The following EFNA5 variants were observed in gnomAD, a reference collection of about 807,000 sequenced individuals.
EFNA5 encodes the protein ephrin A5.
In EFNA5, 5 loss-of-function variants were observed where a neutral mutation model predicts 22.9. That is an observed-to-expected ratio of 0.22 (90% CI 0.11 to 0.46). The LOEUF is 0.46. Among genes scored for constraint, EFNA5 ranks in the 20% least tolerant of loss-of-function variants. The pLI, the probability that EFNA5 is intolerant of heterozygous loss-of-function variation, is 0.99. For missense variants in EFNA5, 237 were observed against 293.3 expected, an observed-to-expected ratio of 0.81 and a Z score of 1.40; for synonymous variants, 113 against 112.2, an observed-to-expected ratio of 1.01 and a Z score of -0.04.
intron 1 of EFNA5, among the ~76,000 whole-genome samples, chr5:107,524,942 T>C (rs914536090): frequency 6.6e-6 from 1 of 152,232 alleles, no homozygotes; most frequent in Non-Finnish European, 1.5e-5. Context: ...TTAATTAAAC[T>C]CATACTGTTA....
In EFNA5 at chr5:107,381,441, C is replaced by G. The variant is rs1747457532; in HGVS notation, c.566-65G>C. On this transcript the variant is annotated intron_variant, in intron 4 of 4. Transcript: ENST00000333274. The stretch of plus-strand genomic sequence containing the variant: ...ATCCTTAATAACTCTCTTGCAGCAG[C>G]CTGCTGTTAACAGACCTCGCCACCC... 5 of 1,541,966 alleles carry G rather than the reference C, an allele frequency of 3.2e-6. No homozygotes were observed. The South Asian group carries it at 6.1e-5, about 19-fold the overall frequency.
At chr5:107,637,714 A>T (rs895792020) in intron 1 of EFNA5, among the ~76,000 whole-genome samples, 12 of 148,640 alleles carry the variant, frequency 8.1e-5, no homozygotes, top group African/African-American at 2.7e-4. Context: ...GCCCCTACAG[A>T]TTATATATAA....
At position 107,563,599 on chromosome 5, in the gene EFNA5, G is replaced by C. The variant is rs541907424; in HGVS notation, c.125+106890C>G. Among the ~76,000 whole-genome samples the C allele has an allele frequency of 5.3e-5, 8 of 152,026 alleles. 1 individual carries two copies. The highest frequency in any genetic ancestry group is 2.1e-4 in the South Asian group (1 of 4,804). On this transcript the variant is annotated intron_variant, in intron 1 of 4. Transcript: ENST00000333274. The stretch of plus-strand genomic sequence containing the variant: ...CAACAGGTGTGAGCCACTATGTCTG[G>C]CTAATTTTCATTTTTTGTAGAAATG...
intron 2 of EFNA5, among the ~76,000 whole-genome samples, chr5:107,394,079 CAAAGCATTTTCATAT>C (rs1236146355): frequency 1.1e-4 from 17 of 152,110 alleles, no homozygotes; most frequent in Non-Finnish European, 2.4e-4. Context: ...CATTTTCATA[CAAAGCATTTTCATAT>C]AAAGAACAAA....
At chr5:107,668,779 TA>T (rs1751123083) in intron 1 of EFNA5, among the ~76,000 whole-genome samples, 1 of 152,204 alleles carries the variant, frequency 6.6e-6, no homozygotes, top group South Asian at 2.1e-4. Flanking sequence ...GACTGGCTTT[TA>T]ACACCATCAC....
At chr5:107,468,768 G>A (rs1359136811) in intron 1 of EFNA5, among the ~76,000 whole-genome samples, 1 of 151,326 alleles carries the variant, frequency 6.6e-6, no homozygotes, top group Non-Finnish European at 1.5e-5. Flanking sequence ...TCAGCTACAT[G>A]TGATGTAGAA....
rs11960173 is a variant in EFNA5, at chr5:107,478,707, T to C, written c.126-51198A>G. Among the ~76,000 whole-genome samples, 1,169 of 152,288 alleles carry C rather than the reference T, an allele frequency of 7.7e-3. 16 individuals are homozygous for C. Among genetic ancestry groups the C allele is most frequent in the African/African-American group, 0.026 (1,092 of 41,552 alleles). On this transcript the variant is annotated intron_variant, in intron 1 of 4. Coordinates refer to ENST00000333274, the MANE Select transcript of EFNA5 (RefSeq NM_001962.3). The stretch of plus-strand genomic sequence containing the variant: ...AGTGGAGCTCATTGGTCTTAATAAA[T>C]AGGACAAGGTCACCTGAGTTTACTT...
Position 107,394,311 on chromosome 5 carries a change from C to G in EFNA5, c.419-6540G>C, listed in dbSNP as rs72785813. ...ATCATGGGCAGGTTAAGGTCAGAGC[C>G]CAAGACGTAAAATTTGGAAAGGAGG... On this transcript the variant is annotated intron_variant, in intron 2 of 4. Transcript: ENST00000333274. 4.1e-3 allele frequency among the ~76,000 whole-genome samples: 628 copies of G among 152,056 alleles called. 3 individuals carry two copies. The highest frequency in any genetic ancestry group is 6.9e-3 in the Non-Finnish European group (469 of 67,992).
chr5:107,504,948 T>C (rs188918497), intron 1 of EFNA5, among the ~76,000 whole-genome samples: 5 of 152,316 alleles, frequency 3.3e-5, no homozygotes, highest in Admixed American at 3.3e-4. Context: ...TCCTATTTAT[T>C]ATTCAATTAT....
chr5:107,548,663 A>G (rs1748222522), intron 1 of EFNA5, among the ~76,000 whole-genome samples: 2 of 152,292 alleles, frequency 1.3e-5, no homozygotes, highest in Non-Finnish European at 2.9e-5. Flanking sequence ...TGTCTAGCAG[A>G]AGTAAAGAGG....
chr5:107,640,872 G>A (rs1388665238), intron 1 of EFNA5, among the ~76,000 whole-genome samples: 2 of 152,096 alleles, frequency 1.3e-5, no homozygotes, highest in Non-Finnish European at 2.9e-5. Flanking sequence ...AGGAGACCAG[G>A]ACCTAGGGAG....
intron 1 of EFNA5, among the ~76,000 whole-genome samples, chr5:107,448,866 T>TAAATA (rs74535160): frequency 0.069 from 9,727 of 140,956 alleles, 412 homozygotes; most frequent in Non-Finnish European, 0.081. Context: ...AATAAATAAA[T>TAAATA]AAATAAAATA....
rs185630389 is a variant in EFNA5 at position 107,440,959 on chromosome 5, A to C, written c.126-13450T>G. ...CAACATCTGGGTATCTACCTTGTAC[A>C]TGCCAAATATTTATCAAAATCATAC... On this transcript the variant is annotated intron_variant, in intron 1 of 4. Transcript: ENST00000333274. Among the ~76,000 whole-genome samples the C allele has an allele frequency of 1.1e-3, 172 of 152,106 alleles. 1 individual carries two copies. The highest frequency in any genetic ancestry group is 3.3e-3 in the African/African-American group (136 of 41,508).
chr5:107,601,419 A>G (rs1749591467), intron 1 of EFNA5, among the ~76,000 whole-genome samples: 1 of 101,358 alleles, frequency 9.9e-6, no homozygotes, highest in Non-Finnish European at 1.9e-5. Context: ...GGGCTGCACC[A>G]TCTTCAGGAC....
chr5:107,591,959 A>ATATATATAATATATAT (rs1554068246), intron 1 of EFNA5, among the ~76,000 whole-genome samples: 3 of 10,114 alleles, frequency 3.0e-4, no homozygotes, highest in East Asian at 1.4e-3. Context: ...ATAATATATA[A>ATATATATAATATATAT]TATATATAAT....
chr5:107,494,278 C>A (rs1746902739), intron 1 of EFNA5, among the ~76,000 whole-genome samples: 1 of 152,088 alleles, frequency 6.6e-6, no homozygotes, highest in Non-Finnish European at 1.5e-5. Context: ...CGGCTGCGGG[C>A]GGCGCTTGAG....
At chr5:107,539,205 T>C (rs1181690748) in intron 1 of EFNA5, among the ~76,000 whole-genome samples, 1 of 152,230 alleles carries the variant, frequency 6.6e-6, no homozygotes, top group African/African-American at 2.4e-5. Context: ...TAAGGCCACA[T>C]GTGCTAATTT....
intron 1 of EFNA5, among the ~76,000 whole-genome samples, chr5:107,475,310 A>C (rs1049111894): frequency 1.2e-4 from 18 of 152,234 alleles, no homozygotes; most frequent in Non-Finnish European, 2.9e-5. Context: ...CATTTCACAT[A>C]CTTCACACTT....
intron 1 of EFNA5, among the ~76,000 whole-genome samples, chr5:107,437,255 G>A (rs1485902662): frequency 6.6e-6 from 1 of 152,174 alleles, no homozygotes; most frequent in Non-Finnish European, 1.5e-5. Flanking sequence ...ATTTGGTAAT[G>A]CTAGGGCATG....
Sources: allele counts gnomAD v4.1 joint callset (sites outside exome capture counted in the v4.1 genomes callset), GRCh38; gene constraint gnomAD v4.1.1; transcripts MANE v1.5; gene names NCBI Gene and HGNC (gene_info 2026-07-23, HGNC 2026-07-21).